Variants in CHLSN observed in about 807,000 individuals in gnomAD.
The protein encoded by CHLSN is cholesin, also known as protein cholesin.
the CHLSN span, among the ~76,000 whole-genome samples, chr7:1,125,219 C>T: frequency 6.6e-6 from 1 of 152,232 alleles, no homozygotes; most frequent in Admixed American, 6.5e-5. Flanking sequence ...CCCGGGCATC[C>T]GTGGCTGGGT....
At chr7:1,006,340 C>T in the CHLSN span, among the ~76,000 whole-genome samples, 3 of 152,098 alleles carry the variant, frequency 2.0e-5, no homozygotes, top group African/African-American at 4.8e-5. Flanking sequence ...GAGCACACGA[C>T]GGTCACAGCA....
the CHLSN span, chr7:1,009,815 A>G: frequency 1.3e-6 from 1 of 761,616 alleles, no homozygotes; most frequent in South Asian, 2.1e-5. Context: ...GCGGCAGCAC[A>G]GGCCTGGCAT....
chr7:1,016,756 C>G, the CHLSN span, among the ~76,000 whole-genome samples: 10 of 107,278 alleles, frequency 9.3e-5, no homozygotes, highest in Admixed American at 1.8e-4. Flanking sequence ...CAGCAGCACA[C>G]GCCAGCGCAC....
chr7:987,105 A>C, the CHLSN span: 1 of 1,541,482 alleles, frequency 6.5e-7, no homozygotes. Context: ...ACGCCTCTGC[A>C]GGGGGATGAC....
chr7:1,132,644 T>C, the CHLSN span, among the ~76,000 whole-genome samples: 3 of 143,062 alleles, frequency 2.1e-5, no homozygotes, highest in Non-Finnish European at 3.0e-5. Flanking sequence ...TAATAAGCCA[T>C]GATTATGCCA....
chr7:979,858 C>T, the CHLSN span, among the ~76,000 whole-genome samples: 8 of 152,288 alleles, frequency 5.3e-5, no homozygotes, highest in Middle Eastern at 3.4e-3. Context: ...CACTTTTTTC[C>T]GCACAGTTGC....
At chr7:1,024,260 GC>G in the CHLSN span, among the ~76,000 whole-genome samples, 2 of 152,324 alleles carry the variant, frequency 1.3e-5, no homozygotes, top group South Asian at 4.2e-4. Context: ...ACTCCCGCCT[GC>G]AGGAGCTCAG....
chr7:997,782 G>T, the CHLSN span: 254 of 1,606,948 alleles, frequency 1.6e-4, no homozygotes, highest in East Asian at 2.4e-3. Flanking sequence ...GGCCAGCAGG[G>T]TGGAGAAGTG....
At chr7:1,033,154 C>T in the CHLSN span, among the ~76,000 whole-genome samples, 1 of 152,186 alleles carries the variant, frequency 6.6e-6, no homozygotes, top group South Asian at 2.1e-4. Context: ...GGACTAATAT[C>T]CCTCATAAAT....
At chr7:981,296 C>G in the CHLSN span, among the ~76,000 whole-genome samples, 1 of 84,418 alleles carries the variant, frequency 1.2e-5, no homozygotes, top group African/African-American at 4.2e-5. Context: ...GACTCCATCT[C>G]AAAAAAAAAA....
At chr7:1,028,106 G>A in the CHLSN span, among the ~76,000 whole-genome samples, 1 of 148,106 alleles carries the variant, frequency 6.8e-6, no homozygotes, top group East Asian at 1.9e-4. Flanking sequence ...GCCGGCCCGG[G>A]GTCTGCAGGG....
the CHLSN span, chr7:986,535 G>T: frequency 6.7e-7 from 1 of 1,499,546 alleles, no homozygotes; most frequent in Non-Finnish European, 9.2e-7. Flanking sequence ...CCCTGGGCGT[G>T]AACACAGCCG....
chr7:981,243 C>T, the CHLSN span, among the ~76,000 whole-genome samples: 2 of 150,104 alleles, frequency 1.3e-5, no homozygotes, highest in African/African-American at 4.9e-5. Flanking sequence ...TTGCAGTGAG[C>T]CAAGATCATG....
the CHLSN span, chr7:997,529 G>T: frequency 8.8e-7 from 1 of 1,131,480 alleles, no homozygotes; most frequent in Non-Finnish European, 1.2e-6. Context: ...CCGCTGCCCT[G>T]CTGGTGAACC....
chr7:1,075,914 T>C, the CHLSN span: 1 of 144,820 alleles, frequency 6.9e-6, no homozygotes, highest in Non-Finnish European at 1.5e-5. Context: ...TCACATTTAT[T>C]AAAAAAAAAA....
chr7:1,068,005 C>A, the CHLSN span, among the ~76,000 whole-genome samples: 3 of 152,162 alleles, frequency 2.0e-5, no homozygotes, highest in African/African-American at 7.2e-5. Context: ...CAGTCACAAA[C>A]CCAGAGCTGC....
At chr7:1,127,184 A>G in the CHLSN span, 4 of 1,499,576 alleles carry the variant, frequency 2.7e-6, no homozygotes, top group African/African-American at 1.4e-5. Context: ...AGGCTGAGCC[A>G]CCCCCTCTCC....
chr7:980,409 G>A, the CHLSN span, among the ~76,000 whole-genome samples: 5 of 152,362 alleles, frequency 3.3e-5, no homozygotes, highest in South Asian at 4.1e-4. Context: ...GTTGGCACAC[G>A]TCTCTGCAGG....
chr7:1,103,461 G>A, the CHLSN span, among the ~76,000 whole-genome samples: 5,128 of 152,246 alleles, frequency 0.034, 281 homozygotes, highest in African/African-American at 0.12. Context: ...TCTTGGAGGT[G>A]TATCTGCAGC....
Sources: gnomAD v4.1 joint callset for allele counts (sites outside exome capture counted in the v4.1 genomes callset) on GRCh38, gnomAD v4.1.1 for gene constraint, MANE v1.5 for transcripts, NCBI Gene and HGNC (gene_info 2026-07-23, HGNC 2026-07-21) for gene names.